GPA33: variants seen among roughly 807,000 people sequenced by gnomAD.
The protein encoded by GPA33 is cell surface A33 antigen.
In GPA33, 27 loss-of-function variants were observed where a neutral mutation model predicts 35.6. The observed-to-expected ratio is 0.76, with a 90% CI of 0.56 to 1.04. The LOEUF (loss-of-function observed/expected upper bound fraction) is 1.04. Ranked by LOEUF, GPA33 falls within the 50% of genes least tolerant of loss-of-function variation. GPA33 has a pLI of 0.00. For synonymous variants in GPA33, 176 were observed against 164.0 expected, an observed-to-expected ratio of 1.07 and a Z score of -0.56; for missense variants, 428 against 411.9, an observed-to-expected ratio of 1.04 and a Z score of -0.34.
intron 1 of GPA33, among the ~76,000 whole-genome samples, chr1:167,075,533 G>A (rs1419775785): frequency 6.6e-6 from 1 of 152,212 alleles, no homozygotes; most frequent in African/African-American, 2.4e-5. Flanking sequence ...TAAGGAAGGA[G>A]GAAGTTTCAG....
intron 4 of GPA33, among the ~76,000 whole-genome samples, chr1:167,056,629 T>TATGTGTA (rs1666272030): frequency 0.021 from 2 of 94 alleles, no homozygotes; most frequent in African/African-American, 0.12. Flanking sequence ...GGTGAGTGTG[T>TATGTGTA]GATGTGTGTG....
intron 4 of GPA33, among the ~76,000 whole-genome samples, chr1:167,060,777 C>A (rs1164812461): frequency 6.6e-6 from 1 of 152,152 alleles, no homozygotes; most frequent in Non-Finnish European, 1.5e-5. Flanking sequence ...AAAGACGAAC[C>A]TCCCTAGCGT....
Position 167,087,993 on chromosome 1 carries a change from G to A in GPA33, c.43+2252C>T, listed in dbSNP as rs780512481. ...TTTAAACTCCCTACTTTAAAAGCACGGCCTTGCGTTTGTGCCCCCTGCATG... is the reference window on the plus strand; with the variant it reads ...TTTAAACTCCCTACTTTAAAAGCACAGCCTTGCGTTTGTGCCCCCTGCATG... On this transcript the variant is annotated intron_variant, in intron 1 of 6. Coordinates refer to ENST00000367868, the MANE Select transcript of GPA33 (RefSeq NM_005814.3). 5.9e-5 allele frequency among the ~76,000 whole-genome samples: 9 copies of A among 151,772 alleles called. No individual in the cohort carries two copies. The South Asian group carries it at 8.3e-4, about 14-fold the overall frequency.
intron 3 of GPA33, among the ~76,000 whole-genome samples, chr1:167,067,680 A>G (rs999078990): frequency 2.2e-4 from 33 of 152,192 alleles, no homozygotes; most frequent in African/African-American, 6.3e-4. Flanking sequence ...CTGAATATTC[A>G]TCAGTATGGA....
chr1:167,087,299 A>G (rs1193462730), intron 1 of GPA33, among the ~76,000 whole-genome samples: 1 of 152,154 alleles, frequency 6.6e-6, no homozygotes, highest in African/African-American at 2.4e-5. Flanking sequence ...AACTGCACTC[A>G]TAACTGGCAT....
chr1:167,063,574 C>T lies in GPA33; in HGVS notation c.571+8G>A. 3 of 1,599,700 alleles carry T rather than the reference C, an allele frequency of 1.9e-6. No individual in the cohort carries two copies. Among genetic ancestry groups the T allele is most frequent in the Non-Finnish European group, 2.6e-6 (3 of 1,171,188 alleles). ...GTGGGGAGCCCGCCTTCCCTACTGC[C>T]CCCTTACCTGGCTGGGCCAGGGGCT... On this transcript the variant is annotated splice_region_variant and intron_variant, in intron 4 of 6. Transcript: ENST00000367868.
At chr1:167,056,769 T>G (rs1571302460) in intron 4 of GPA33, among the ~76,000 whole-genome samples, 1 of 144,376 alleles carries the variant, frequency 6.9e-6, no homozygotes, top group African/African-American at 2.8e-5. Flanking sequence ...GTGTGTGTGG[T>G]GTGTGTGGCA....
chr1:167,065,737 A>T (rs1311920214), intron 3 of GPA33, among the ~76,000 whole-genome samples: 1 of 152,086 alleles, frequency 6.6e-6, no homozygotes, highest in Non-Finnish European at 1.5e-5. Flanking sequence ...CTGCTGCCAT[A>T]GTGAGGGCTG....
intron 1 of GPA33, among the ~76,000 whole-genome samples, chr1:167,085,197 C>G (rs920314323): frequency 1.3e-5 from 2 of 152,038 alleles, no homozygotes; most frequent in African/African-American, 4.8e-5. Flanking sequence ...GAGCCTGGGA[C>G]TGAGGGTGAG....
chr1:167,070,914 A>G (rs1200082601), intron 2 of GPA33, among the ~76,000 whole-genome samples: 1 of 152,140 alleles, frequency 6.6e-6, no homozygotes, highest in African/African-American at 2.4e-5. Context: ...CATTTCCAAG[A>G]GAGGAAACAC....
chr1:167,073,242 C>T (rs573344597), intron 2 of GPA33, 143 bp downstream of exon 2: 1 of 666,136 alleles, frequency 1.5e-6, no homozygotes, highest in African/African-American at 1.8e-5. Context: ...CCAACATTCA[C>T]TGCTCCCTCC....
intron 4 of GPA33, among the ~76,000 whole-genome samples, chr1:167,061,645 C>T (rs1666448053): frequency 7.8e-6 from 1 of 127,626 alleles, no homozygotes; most frequent in Non-Finnish European, 1.6e-5. Context: ...GCCCAGGCTG[C>T]AGGCTGGAGT....
chr1:167,081,094 G>A (rs1372967673), intron 1 of GPA33, among the ~76,000 whole-genome samples: 3 of 152,184 alleles, frequency 2.0e-5, no homozygotes, highest in East Asian at 1.9e-4. Context: ...CTGAGGTCTC[G>A]ATGATTGCTT....
chr1:167,068,396 A>G (rs1276827287), intron 3 of GPA33, among the ~76,000 whole-genome samples: 2 of 152,248 alleles, frequency 1.3e-5, no homozygotes, highest in Admixed American at 6.5e-5. Context: ...AGTCATTCCT[A>G]TGAAAAGAAT....
At position 167,082,856 on chromosome 1, in the gene GPA33, G is replaced by A. The variant is rs1042524833; in HGVS notation, c.43+7389C>T. Among the ~76,000 whole-genome samples, 7 of 152,194 alleles carry A rather than the reference G, an allele frequency of 4.6e-5. No homozygotes were observed. In the South Asian group the frequency reaches 8.3e-4, roughly 18 times the overall value. ...CCTGACTCACCAGGGCAGAAAATGA[G>A]GAAGCAGTCCAAAGGTCACTGGGTA... On this transcript the variant is annotated intron_variant, in intron 1 of 6. Coordinates refer to ENST00000367868, the MANE Select transcript of GPA33 (RefSeq NM_005814.3).
At chr1:167,072,082 G>A (rs1666733618) in intron 2 of GPA33, among the ~76,000 whole-genome samples, 2 of 152,184 alleles carry the variant, frequency 1.3e-5, no homozygotes, top group Admixed American at 1.3e-4. Flanking sequence ...GTCGGGACAG[G>A]TGGCTATGGC....
At chr1:167,078,399 A>G (rs541903401) in intron 1 of GPA33, among the ~76,000 whole-genome samples, 1 of 152,322 alleles carries the variant, frequency 6.6e-6, no homozygotes. Flanking sequence ...TATGTAGGAA[A>G]AGAACTAGGG....
chr1:167,088,876 C>T (rs1215743481), intron 1 of GPA33, among the ~76,000 whole-genome samples: 2 of 152,160 alleles, frequency 1.3e-5, no homozygotes, highest in Non-Finnish European at 2.9e-5. Context: ...TGGGTATTTC[C>T]TTCAGCCTCC....
chr1:167,056,867 G>GAGTGTGTGAT (rs1666313343), intron 4 of GPA33, among the ~76,000 whole-genome samples: 8 of 19,100 alleles, frequency 4.2e-4, no homozygotes, highest in Non-Finnish European at 7.1e-4. Flanking sequence ...GTGTGTGTGT[G>GAGTGTGTGAT]GTGTGTGGTG....
Sources: allele counts gnomAD v4.1 joint callset (sites outside exome capture counted in the v4.1 genomes callset), GRCh38; gene constraint gnomAD v4.1.1; transcripts MANE v1.5; gene names NCBI Gene and HGNC (gene_info 2026-07-23, HGNC 2026-07-21).